ARMC2: variants seen among roughly 807,000 people sequenced by gnomAD.
The protein encoded by ARMC2 is armadillo repeat-containing protein 2.
A neutral mutation model predicts 90.3 loss-of-function variants in ARMC2; 67 were observed. The observed-to-expected ratio is 0.74, with a 90% CI of 0.61 to 0.91. ARMC2 has a LOEUF of 0.91. Among genes scored for constraint, ARMC2 ranks in the 40% least tolerant of loss-of-function variants. ARMC2 has a pLI of 0.00. For missense variants in ARMC2, 920 were observed against 1,030.9 expected, an observed-to-expected ratio of 0.89 and a Z score of 1.47; for synonymous variants, 393 against 393.0, an observed-to-expected ratio of 1.00 and a Z score of 0.00.
At chr6:108,993,424 A>T in the ARMC2 span, among the ~76,000 whole-genome samples, 1 of 152,202 alleles carries the variant, frequency 6.6e-6, no homozygotes, top group South Asian at 2.1e-4. Context: ...TTATAGTTTC[A>T]TGTAAGTGTA....
chr6:108,892,759 CAAAAA>C (rs55747245), intron 5 of ARMC2, among the ~76,000 whole-genome samples: 32,640 of 89,594 alleles, frequency 0.36, 3,806 homozygotes, highest in East Asian at 0.48. Flanking sequence ...AACTCCATCT[CAAAAA>C]AAAAAAAAAA....
chr6:109,023,346 G>A, the ARMC2 span, among the ~76,000 whole-genome samples: 1 of 152,118 alleles, frequency 6.6e-6, no homozygotes, highest in Non-Finnish European at 1.5e-5. Context: ...TTCATCTTCT[G>A]AACAAAAGTT....
the ARMC2 span, chr6:108,987,079 CT>C: frequency 6.5e-6 from 1 of 153,360 alleles, no homozygotes; most frequent in African/African-American, 2.4e-5. Context: ...GCAATGTTCA[CT>C]TTTATTACTA....
intron 5 of ARMC2, among the ~76,000 whole-genome samples, chr6:108,893,838 GA>G (rs1464847313): frequency 6.6e-6 from 1 of 151,996 alleles, no homozygotes; most frequent in Non-Finnish European, 1.5e-5. Flanking sequence ...CCAACATGGC[GA>G]AACCCCCGTC....
chr6:108,877,180 A>C (rs1386819157), intron 5 of ARMC2, among the ~76,000 whole-genome samples: 2 of 152,240 alleles, frequency 1.3e-5, no homozygotes, highest in Non-Finnish European at 2.9e-5. Context: ...ATCATGGATA[A>C]CTGCCCGGTT....
chr6:108,900,959 T>A (rs922969149), intron 7 of ARMC2, among the ~76,000 whole-genome samples: 1 of 152,064 alleles, frequency 6.6e-6, no homozygotes, highest in Non-Finnish European at 1.5e-5. Flanking sequence ...TCAGGAGATA[T>A]GTGCAAACAC....
At chr6:108,939,808 A>T (rs942189944) in intron 12 of ARMC2, among the ~76,000 whole-genome samples, 1 of 152,262 alleles carries the variant, frequency 6.6e-6, no homozygotes, top group African/African-American at 2.4e-5. Context: ...TATCACTTTC[A>T]TCACTAAACT....
At chr6:108,861,511 T>C (rs947094234) in intron 3 of ARMC2, among the ~76,000 whole-genome samples, 1 of 152,214 alleles carries the variant, frequency 6.6e-6, no homozygotes, top group African/African-American at 2.4e-5. Flanking sequence ...ATGACCCCAA[T>C]TGCCTCAAAA....
At chr6:108,896,162 C>T (rs556852902) in intron 6 of ARMC2, among the ~76,000 whole-genome samples, 14 of 152,236 alleles carry the variant, frequency 9.2e-5, no homozygotes, top group African/African-American at 3.4e-4. Context: ...TTTACATTTA[C>T]GTGCTAAAAA....
At chr6:108,948,055 G>C (rs114006195) in intron 12 of ARMC2, among the ~76,000 whole-genome samples, 2 of 152,190 alleles carry the variant, frequency 1.3e-5, no homozygotes, top group African/African-American at 4.8e-5. Flanking sequence ...TGGAATTGGT[G>C]CTCTCTCTAA....
chr6:108,971,869 C>T (rs1562443502), intron 17 of ARMC2, among the ~76,000 whole-genome samples: 3 of 148,932 alleles, frequency 2.0e-5, no homozygotes, highest in Admixed American at 6.8e-5. Flanking sequence ...TGCAGTGAGC[C>T]GAGACTGCGC....
chr6:108,988,525 G>A, the ARMC2 span: 1 of 1,585,426 alleles, frequency 6.3e-7, no homozygotes, highest in South Asian at 1.2e-5. Flanking sequence ...AAGTAAATAA[G>A]CCACAATAGG....
the ARMC2 span, among the ~76,000 whole-genome samples, chr6:109,043,694 A>G: frequency 6.6e-6 from 1 of 152,204 alleles, no homozygotes; most frequent in Non-Finnish European, 1.5e-5. Flanking sequence ...TGATCAAAGA[A>G]ATCAAAAATC....
At chr6:109,000,460 G>A in the ARMC2 span, 1 of 1,412,234 alleles carries the variant, frequency 7.1e-7, no homozygotes, top group South Asian at 1.8e-5. Flanking sequence ...AGTCTGAAAT[G>A]ACTCCCAAGA....
rs1276657256 is a variant in ARMC2, at chr6:108,890,218, A to ACAAACAAAC, written c.672-4249_672-4248insCAAACAAAC. 1.0e-3 allele frequency among the ~76,000 whole-genome samples: 118 copies of ACAAACAAAC among 116,592 alleles called. 4 individuals carry two copies. The South Asian group carries it at 0.011, about 10-fold the overall frequency. The allele number at this position is 116,592 out of a possible 152,430, so 76.5% of individuals were successfully genotyped here. A position where few individuals can be genotyped will look rare whatever the true frequency, so the allele number is the denominator to read the frequency against. Reference sequence around the variant, plus strand: ...AAAAAAAAAAAAAAAAAAAAAAAAAAAAAAAAAAAAACAGTGGTTTCTTAG... The same window carrying ACAAACAAAC: ...AAAAAAAAAAAAAAAAAAAAAAAAAACAAACAAACAAAAAAAAAAACAGTGGTTTCTTAG... On this transcript the variant is annotated intron_variant, in intron 5 of 17. Transcript: ENST00000392644.
the ARMC2 span, among the ~76,000 whole-genome samples, chr6:109,011,706 G>A: frequency 6.7e-6 from 1 of 148,844 alleles, no homozygotes; most frequent in African/African-American, 2.5e-5. Flanking sequence ...ACAGTTCACT[G>A]CAGCCTTGAC....
At chr6:108,852,789 T>C (rs1018992556) in intron 1 of ARMC2, among the ~76,000 whole-genome samples, 1 of 152,178 alleles carries the variant, frequency 6.6e-6, no homozygotes, top group Non-Finnish European at 1.5e-5. Context: ...AGAAACCTCT[T>C]CTCACTTAGT....
At chr6:108,994,543 C>G in the ARMC2 span, 4 of 1,613,630 alleles carry the variant, frequency 2.5e-6, no homozygotes, top group Admixed American at 1.7e-5. Context: ...TCTTCTTCAT[C>G]TCGACATTCC....
intron 5 of ARMC2, among the ~76,000 whole-genome samples, chr6:108,879,422 C>G (rs1777282955): frequency 6.6e-6 from 1 of 151,608 alleles, no homozygotes. Flanking sequence ...CATTCATCCA[C>G]CCATCCACCT....
Sources: gnomAD v4.1 joint callset for allele counts (sites outside exome capture counted in the v4.1 genomes callset) on GRCh38, gnomAD v4.1.1 for gene constraint, MANE v1.5 for transcripts, NCBI Gene and HGNC (gene_info 2026-07-23, HGNC 2026-07-21) for gene names.